The following GALNTL5 variants were observed in gnomAD, a reference collection of about 807,000 sequenced individuals.
GALNTL5 encodes the protein inactive polypeptide N-acetylgalactosaminyltransferase-like protein 5.
Under a neutral mutation model 51.0 loss-of-function variants are expected in GALNTL5, and 44 were observed. The observed-to-expected ratio is 0.86, with a 90% CI of 0.68 to 1.11. The LOEUF (loss-of-function observed/expected upper bound fraction) is 1.11. GALNTL5 is among the 50% of genes least tolerant of loss of function. GALNTL5 has a pLI of 0.00. For synonymous variants in GALNTL5, 192 were observed against 182.8 expected, an observed-to-expected ratio of 1.05 and a Z score of -0.41; for missense variants, 528 against 531.8, an observed-to-expected ratio of 0.99 and a Z score of 0.07.
chr7:152,014,516 CCTTGG>C, intron 7 of GALNTL5, 123 bp from the exon 8 acceptor site: 1 of 826,558 alleles, frequency 1.2e-6, no homozygotes, highest in Admixed American at 2.8e-5. Flanking sequence ...GATCTGACTG[CCTTGG>C]CCTCCCAAAA....
intron 2 of GALNTL5, among the ~76,000 whole-genome samples, chr7:151,970,200 G>A: frequency 7.2e-6 from 1 of 139,322 alleles, no homozygotes; most frequent in Non-Finnish European, 1.6e-5. Flanking sequence ...GGGAAAGCAG[G>A]AAGGGGCGGG....
intron 5 of GALNTL5, among the ~76,000 whole-genome samples, chr7:151,988,421 T>C (rs12532588): frequency 0.28 from 43,001 of 152,036 alleles, 6,224 homozygotes; most frequent in South Asian, 0.45. Flanking sequence ...TTCCTCAGGC[T>C]GCATTGCAAG....
intron 6 of GALNTL5, among the ~76,000 whole-genome samples, chr7:152,007,413 C>CTTTTTTT (rs34271081): frequency 1.8e-5 from 2 of 109,954 alleles, no homozygotes; most frequent in African/African-American, 3.4e-5. Flanking sequence ...AATGTTTTCT[C>CTTTTTTT]TTTTTTTTTT....
At chr7:152,006,549 C>T (rs1344121818) in intron 6 of GALNTL5, among the ~76,000 whole-genome samples, 2 of 152,120 alleles carry the variant, frequency 1.3e-5, no homozygotes, top group Non-Finnish European at 2.9e-5. Flanking sequence ...AGCTCCATCT[C>T]CAAAATATGC....
Position 152,019,760 on chromosome 7 carries a change from A to T in GALNTL5, c.1291A>T (p.Asn431Tyr). 6.2e-7 allele frequency: 1 copy of T among 1,613,864 alleles called. No individual in the cohort carries two copies. Among genetic ancestry groups the T allele is most frequent in the Non-Finnish European group, 8.5e-7 (1 of 1,179,812 alleles). ...CAAGTCATTTCAGTGGTATTTGGAT[A>T]ATGTCTTCCCAGAGTTGGAGGCATC... Reference protein sequence around the residue: ...GCKSFQWYLDNVFPELEASVN... With the variant: ...GCKSFQWYLDYVFPELEASVN... Residue 431 changes from asparagine (N) to tyrosine (Y), a missense_variant, in exon 9 of 9, where the codon AAT becomes TAT. Physicochemically the swap from Asn to Tyr is moderately radical, Grantham distance 143 (BLOSUM62 -2). Coordinates refer to ENST00000392800, the MANE Select transcript of GALNTL5 (RefSeq NM_145292.4).
intron 3 of GALNTL5, among the ~76,000 whole-genome samples, chr7:151,977,219 C>T (rs2081217811): frequency 6.6e-6 from 1 of 152,098 alleles, no homozygotes; most frequent in African/African-American, 2.4e-5. Context: ...ACACACACTA[C>T]ATAGTAGGAA....
At chr7:152,002,624 C>T in intron 5 of GALNTL5, 90 bp from the exon 6 acceptor site, 1 of 1,402,942 alleles carries the variant, frequency 7.1e-7, no homozygotes, top group Non-Finnish European at 9.8e-7. Context: ...AGTAAATGCT[C>T]AAGAAATATT....
Position 151,965,722 on chromosome 7 carries a change from AT to A in GALNTL5, c.-39-1485del, listed in dbSNP as rs757002539. Among the ~76,000 whole-genome samples the A allele has an allele frequency of 3.9e-5, 6 of 152,086 alleles. No individual in the cohort carries two copies. In the East Asian group the frequency reaches 7.8e-4, roughly 20 times the overall value. ...AGTGAGACCTTGTCTATACAAAAAA[AT>A]AATAATAATAATAATTAGCCACGCG... On this transcript the variant is annotated intron_variant, in intron 1 of 8. Transcript: ENST00000392800.
chr7:151,967,533 G>A (rs1370617774), intron 2 of GALNTL5, 40 bp downstream of exon 2: 1 of 1,565,974 alleles, frequency 6.4e-7, no homozygotes, highest in East Asian at 2.2e-5. Context: ...ATTTGAAGGG[G>A]AAAATGTACA....
chr7:151,987,259 G>T lies in GALNTL5; in HGVS notation c.636G>T (p.Leu212=). Residue 212 remains leucine, a synonymous_variant, in exon 5 of 9, where the codon CTG becomes CTT. Coordinates refer to ENST00000392800, the MANE Select transcript of GALNTL5 (RefSeq NM_145292.4). ...KKREGLIRAR[L]IGASHASGDV... ...GAGAGGGGCTGATTCGAGCAAGGCT[G>T]ATTGGAGCTTCTCATGCTTCAGGTA... 6.3e-7 allele frequency: 1 copy of T among 1,583,312 alleles called. No homozygotes were observed. Among genetic ancestry groups the T allele is most frequent in the Non-Finnish European group, 8.5e-7 (1 of 1,170,566 alleles).
chr7:152,018,670 C>G (rs973415563), intron 8 of GALNTL5, among the ~76,000 whole-genome samples: 2 of 152,076 alleles, frequency 1.3e-5, no homozygotes, highest in Non-Finnish European at 2.9e-5. Flanking sequence ...GGAAGATGTG[C>G]CTAAGGTCAT....
chr7:152,008,968 T>C, intron 7 of GALNTL5, among the ~76,000 whole-genome samples: 1 of 152,216 alleles, frequency 6.6e-6, no homozygotes, highest in East Asian at 1.9e-4. Context: ...GTCAGTATAT[T>C]CCTTTTTCTG....
In GALNTL5 at chr7:152,002,879, C is replaced by G. The variant is rs779796381; in HGVS notation, c.824C>G (p.Thr275Ser). The G allele has an allele frequency of 2.5e-5, 41 of 1,613,904 alleles. No individual in the cohort carries two copies. In the South Asian group the frequency reaches 4.5e-4, roughly 18 times the overall value. The change falls in exon 6 of 9, where the codon ACT becomes AGT. Residue 275 changes from threonine to serine, a missense_variant. Thr to Ser is a moderately conservative substitution (Grantham distance 58). Transcript: ENST00000392800. Reference protein sequence around the residue: ...EYKPSPLVRGTFDWNLQFKWD... With the variant: ...EYKPSPLVRGSFDWNLQFKWD... ...AAGCCCTCTCCTCTTGTAAGGGGAACTTTTGATTGGAACCTACAATTTAAA... is the reference window on the plus strand; with the variant it reads ...AAGCCCTCTCCTCTTGTAAGGGGAAGTTTTGATTGGAACCTACAATTTAAA...
chr7:151,993,258 C>T (rs1299894410), intron 5 of GALNTL5, among the ~76,000 whole-genome samples: 2 of 150,408 alleles, frequency 1.3e-5, no homozygotes, highest in Non-Finnish European at 3.0e-5. Flanking sequence ...AAGGAAGATG[C>T]GTTTATGATT....
intron 1 of GALNTL5, among the ~76,000 whole-genome samples, chr7:151,964,745 C>T (rs1041077099): frequency 5.3e-5 from 8 of 152,222 alleles, no homozygotes; most frequent in African/African-American, 1.7e-4. Context: ...GAGTGTTGGG[C>T]CAACCTTGGC....
In GALNTL5 at chr7:152,001,867, T is replaced by C. The variant is rs181638251; in HGVS notation, c.659-847T>C. Among the ~76,000 whole-genome samples the C allele has an allele frequency of 2.4e-3, 365 of 152,308 alleles. 2 individuals are homozygous for C. Among genetic ancestry groups the C allele is most frequent in the African/African-American group, 8.5e-3 (352 of 41,564 alleles). On this transcript the variant is annotated intron_variant, in intron 5 of 8. Transcript: ENST00000392800. ...AACATGAGATTTTTTTATACCTTTC[T>C]AATGATTTTACACTGGCTACAAGAA...
chr7:151,976,615 C>T (rs1460287317), intron 3 of GALNTL5, among the ~76,000 whole-genome samples: 1 of 152,060 alleles, frequency 6.6e-6, no homozygotes, highest in Non-Finnish European at 1.5e-5. Flanking sequence ...CAGAAGTCTG[C>T]AAATTCTTAA....
chr7:152,012,559 A>G (rs1420373129), intron 7 of GALNTL5, among the ~76,000 whole-genome samples: 1 of 152,254 alleles, frequency 6.6e-6, no homozygotes, highest in Non-Finnish European at 1.5e-5. Context: ...ATTACTGGGT[A>G]TATTACCCAA....
intron 3 of GALNTL5, among the ~76,000 whole-genome samples, chr7:151,978,558 T>A (rs1427815684): frequency 1.3e-5 from 2 of 152,140 alleles, no homozygotes; most frequent in Admixed American, 1.3e-4. Flanking sequence ...ATGGTAAAAT[T>A]TGGTATCCAA....
Sources: gnomAD v4.1 joint callset for allele counts (sites outside exome capture counted in the v4.1 genomes callset) on GRCh38, gnomAD v4.1.1 for gene constraint, MANE v1.5 for transcripts, NCBI Gene and HGNC (gene_info 2026-07-23, HGNC 2026-07-21) for gene names.